USP39: variants seen among roughly 807,000 people sequenced by gnomAD.
USP39 encodes ubiquitin specific peptidase 39, also known as ubiquitin carboxyl-terminal hydrolase 39.
USP39 carries 38 observed loss-of-function variants against 66.4 expected under a neutral mutation model. The observed-to-expected ratio is 0.57, with a 90% CI of 0.44 to 0.75. The LOEUF is 0.75. Ranked by LOEUF, USP39 falls within the 30% of genes least tolerant of loss-of-function variation. The pLI is 0.00. For synonymous variants in USP39, 303 were observed against 274.6 expected, an observed-to-expected ratio of 1.10 and a Z score of -1.02; for missense variants, 608 against 714.4, an observed-to-expected ratio of 0.85 and a Z score of 1.70.
chr2:85,643,435 A>C (rs369729637), intron 10 of USP39, among the ~76,000 whole-genome samples: 9 of 151,998 alleles, frequency 5.9e-5, no homozygotes, highest in African/African-American at 2.2e-4. Context: ...GCTTGCAGTG[A>C]ATTGAGATAG....
chr2:85,616,650 C>T (rs1558846475), intron 1 of USP39, among the ~76,000 whole-genome samples, 187 bp downstream of exon 1: 1 of 150,492 alleles, frequency 6.6e-6, no homozygotes, highest in Non-Finnish European at 1.5e-5. Context: ...CAGTACCCTT[C>T]TCAATAATCG....
intron 5 of USP39, among the ~76,000 whole-genome samples, chr2:85,627,011 T>C (rs1674921469): frequency 6.6e-6 from 1 of 151,706 alleles, no homozygotes; most frequent in Non-Finnish European, 1.5e-5. Context: ...CCTCCCAAAG[T>C]GTTGGGATTA....
chr2:85,620,883 C>T (rs965949268), intron 2 of USP39, among the ~76,000 whole-genome samples: 1 of 148,692 alleles, frequency 6.7e-6, no homozygotes, highest in Non-Finnish European at 1.5e-5. Flanking sequence ...TTGTTCCTTA[C>T]TGCCAGTACT....
chr2:85,634,984 G>A (rs1573432287), intron 6 of USP39, among the ~76,000 whole-genome samples: 1 of 152,184 alleles, frequency 6.6e-6, no homozygotes. Context: ...CTATTGGCTA[G>A]GATAGTTATG....
intron 5 of USP39, among the ~76,000 whole-genome samples, chr2:85,627,773 A>G (rs1674991518): frequency 6.6e-6 from 1 of 152,172 alleles, no homozygotes; most frequent in Non-Finnish European, 1.5e-5. Context: ...AAGTGCAGGC[A>G]TTACAGGTGT....
Position 85,648,936 on chromosome 2 carries a change from C to G in USP39, c.*128C>G. 1.9e-6 allele frequency: 2 copies of G among 1,071,280 alleles called. No homozygotes were observed. The highest frequency in any genetic ancestry group is 2.8e-6 in the Non-Finnish European group (2 of 717,924). 66.4% of individuals were successfully genotyped at this position (1,071,280 alleles called of 1,614,324 possible). ...CCAGCCCAGCTTGTATGGGTTCTGG[C>G]TACACCAGAGCACCAAGAGCCCACT... On this transcript the variant is annotated 3_prime_UTR_variant, in exon 13 of 13. Coordinates refer to ENST00000323701, the MANE Select transcript of USP39 (RefSeq NM_006590.4).
chr2:85,612,025 C>T (rs766449299), upstream of USP39: 4 of 1,362,884 alleles, frequency 2.9e-6, no homozygotes, highest in African/African-American at 1.5e-5. Context: ...CTCGACGGCC[C>T]CAACAACAGC....
At chr2:85,644,908 C>T in intron 10 of USP39, 40 bp from the exon 11 acceptor site, 3 of 1,612,196 alleles carry the variant, frequency 1.9e-6, no homozygotes, top group Non-Finnish European at 2.5e-6. Flanking sequence ...ACCTCACAGC[C>T]TTTGTCTGAT....
At position 85,627,352 on chromosome 2, in the gene USP39, C is replaced by T. The variant is rs549472056; in HGVS notation, c.723+1661C>T. ...CCTCGTGGTCCACCCGCCTGAGCTT[C>T]TGAAAGTGCTGGGATTACAGGTGTG... On this transcript the variant is annotated intron_variant, in intron 5 of 12. Transcript: ENST00000323701. Among the ~76,000 whole-genome samples, 5 of 152,250 alleles carry T rather than the reference C, an allele frequency of 3.3e-5. No homozygotes were observed. In the South Asian group the frequency reaches 1.0e-3, roughly 32 times the overall value.
intron 5 of USP39, among the ~76,000 whole-genome samples, chr2:85,628,436 C>T (rs992659940): frequency 5.9e-5 from 9 of 152,118 alleles, no homozygotes; most frequent in African/African-American, 2.2e-4. Flanking sequence ...TGAGCCACCG[C>T]GCCCTGCCGA....
chr2:85,623,560 G>A, intron 3 of USP39, 86 bp from the exon 4 acceptor site: 2 of 1,473,354 alleles, frequency 1.4e-6, no homozygotes, highest in Non-Finnish European at 1.8e-6. Flanking sequence ...ACATGTTCCG[G>A]TAGAAAATAA....
Position 85,639,403 on chromosome 2 carries a change from A to G in USP39, c.1284+12A>G. The G allele has an allele frequency of 6.2e-7, 1 of 1,610,762 alleles. No individual in the cohort carries two copies. Among genetic ancestry groups the G allele is most frequent in the Non-Finnish European group, 8.5e-7 (1 of 1,178,454 alleles). ...GCATCACTGAGAAGGTAGCCCATTA[A>G]CACACCTGCCCTGCCTATACTTACC... On this transcript the variant is annotated intron_variant, in intron 9 of 12. Coordinates refer to ENST00000323701, the MANE Select transcript of USP39 (RefSeq NM_006590.4).
intron 10 of USP39, 108 bp from the exon 11 acceptor site, chr2:85,644,840 G>A: frequency 8.2e-6 from 12 of 1,455,154 alleles, no homozygotes; most frequent in Middle Eastern, 3.9e-4. Context: ...CCCAGAGAAA[G>A]GGTCCTAAAA....
Position 85,636,988 on chromosome 2 carries a change from G to C in USP39, c.1028-381G>C, listed in dbSNP as rs556604941. On this transcript the variant is annotated intron_variant, in intron 7 of 12. Coordinates refer to ENST00000323701, the MANE Select transcript of USP39 (RefSeq NM_006590.4). ...TCATTGTCCTCTTGTCTTCATTACA[G>C]TTTGGACATTGTCTCCCTTTGAAAG... is the stretch of plus-strand genomic sequence containing the variant. 2.6e-5 allele frequency among the ~76,000 whole-genome samples: 4 copies of C among 152,302 alleles called. No homozygotes were observed. The South Asian group carries it at 6.2e-4, about 24-fold the overall frequency.
At chr2:85,611,489 C>A (rs566764106), upstream of USP39, 7 of 1,549,980 alleles carry the variant, frequency 4.5e-6, no homozygotes, top group African/African-American at 6.8e-5. Context: ...GCTTATGAGT[C>A]GTCCCAGTTC....
chr2:85,643,149 C>CT (rs1676372416), intron 10 of USP39, among the ~76,000 whole-genome samples: 1 of 151,720 alleles, frequency 6.6e-6, no homozygotes, highest in Non-Finnish European at 1.5e-5. Flanking sequence ...TAGTATTTCT[C>CT]TTTTGCCGCA....
At chr2:85,613,426 C>T (rs940238357), upstream of USP39, among the ~76,000 whole-genome samples, 4 of 152,052 alleles carry the variant, frequency 2.6e-5, no homozygotes, top group Admixed American at 6.6e-5. Flanking sequence ...GCAGGAGAAT[C>T]GCTTGAACCC....
upstream of USP39, chr2:85,612,023 C>T (rs1250089800): frequency 2.1e-6 from 3 of 1,404,516 alleles, no homozygotes; most frequent in South Asian, 1.4e-5. Flanking sequence ...GCCTCGACGG[C>T]CCCAACAACA....
At chr2:85,616,011 T>G, upstream of USP39, 1 of 1,230,970 alleles carries the variant, frequency 8.1e-7, no homozygotes. Context: ...CCACAGAAGG[T>G]TCTAAGGGGA....
Sources: gnomAD v4.1 joint callset for allele counts (sites outside exome capture counted in the v4.1 genomes callset) on GRCh38, gnomAD v4.1.1 for gene constraint, MANE v1.5 for transcripts, NCBI Gene and HGNC (gene_info 2026-07-23, HGNC 2026-07-21) for gene names.